Variants in TBRG1 observed in about 807,000 individuals in gnomAD.
TBRG1 encodes the protein nuclear interactor of ARF and MDM2.
In TBRG1, 31 loss-of-function variants were observed where a neutral mutation model predicts 44.0. The observed-to-expected ratio is 0.70, with a 90% CI of 0.53 to 0.95. TBRG1 has a LOEUF of 0.95. Ranked by LOEUF, TBRG1 falls within the 40% of genes least tolerant of loss-of-function variation. TBRG1 has a pLI of 0.00. For missense variants in TBRG1, 487 were observed against 496.1 expected (o/e 0.98, Z 0.18); for synonymous variants, 171 against 188.1 (o/e 0.91, Z 0.74).
chr11:124,628,064 T>TA (rs1942510945), intron 5 of TBRG1, among the ~76,000 whole-genome samples: 2 of 76,926 alleles, frequency 2.6e-5, no homozygotes, highest in South Asian at 5.6e-4. Flanking sequence ...AAGTAGCTGT[T>TA]TTATATATAT....
intron 5 of TBRG1, 48 bp from the exon 6 acceptor site, chr11:124,630,340 C>T: frequency 1.6e-6 from 2 of 1,226,960 alleles, no homozygotes; most frequent in South Asian, 2.4e-5. Context: ...ATGCCCCTCT[C>T]TCCTTCCTTC....
Position 124,631,315 on chromosome 11 carries a change from G to A in TBRG1, c.988G>A (p.Gly330Arg), listed in dbSNP as rs1279979646. 1 of 1,611,292 alleles carries A rather than the reference G, an allele frequency of 6.2e-7. No individual in the cohort carries two copies. Among genetic ancestry groups the A allele is most frequent in the South Asian group, 1.1e-5 (1 of 90,632 alleles). Reference sequence around the variant, plus strand: ...ATTTGATGTGTGCAAACCTGGAGATGGGCAGCTACCTGAGGGGCTGCCGGA... The same window carrying A: ...ATTTGATGTGTGCAAACCTGGAGATAGGCAGCTACCTGAGGGGCTGCCGGA... ...VKFDVCKPGD[G>R]QLPEGLPEND... The change falls in exon 8 of 9, where the codon GGG becomes AGG. Residue 330 changes from glycine (G) to arginine (R), a missense_variant. Coordinates refer to ENST00000441174, the MANE Select transcript of TBRG1 (RefSeq NM_032811.3).
intron 4 of TBRG1, 86 bp downstream of exon 4, chr11:124,626,695 G>T (rs1354517514): frequency 1.1e-5 from 16 of 1,496,728 alleles, no homozygotes; most frequent in Non-Finnish European, 1.5e-5. Flanking sequence ...CCCATTAGCA[G>T]CAGCCTCTTG....
In TBRG1 at chr11:124,631,421, TCTTTAA is replaced by T. The variant is rs758862895; in HGVS notation, c.1090+10_1090+15del. 7.6e-5 allele frequency: 123 copies of T among 1,613,884 alleles called. No individual in the cohort carries two copies. The highest frequency in any genetic ancestry group is 2.0e-4 in the Admixed American group (12 of 60,030). On this transcript the variant is annotated splice_donor_5th_base_variant and intron_variant, in intron 8 of 8. Transcript: ENST00000441174. ...CAGAATGATCCCCTTCTGCCAGGTA[TCTTTAA>T]CTTTACCTTTCTGGTTTGAAAATTG...
chr11:124,631,604 G>T lies in TBRG1; in HGVS notation c.1090+187G>T, dbSNP rs1942612128. 3 of 649,982 alleles carry T rather than the reference G, an allele frequency of 4.6e-6. No individual in the cohort carries two copies. In the South Asian group the frequency reaches 5.5e-5, roughly 12 times the overall value. 40.3% of individuals were successfully genotyped at this position (649,982 alleles called of 1,614,324 possible). A position where few individuals can be genotyped will look rare whatever the true frequency, so the allele number is the denominator to read the frequency against. ...TGCATAGCTTCCTAGATTACTCACAGATGTCATGGGGAGCACCTGCGATCA... is the reference window on the plus strand; with the variant it reads ...TGCATAGCTTCCTAGATTACTCACATATGTCATGGGGAGCACCTGCGATCA... On this transcript the variant is annotated intron_variant, in intron 8 of 8. Transcript: ENST00000441174.
chr11:124,628,761 C>G (rs1942543902), intron 5 of TBRG1, among the ~76,000 whole-genome samples: 1 of 152,090 alleles, frequency 6.6e-6, no homozygotes, highest in Non-Finnish European at 1.5e-5. Flanking sequence ...GCAGTATCAA[C>G]AATTTTAGTA....
intron 1 of TBRG1, among the ~76,000 whole-genome samples, chr11:124,624,465 C>T (rs1189588291): frequency 1.3e-5 from 2 of 151,732 alleles, no homozygotes; most frequent in Admixed American, 6.6e-5. Context: ...TTGTTCTGTC[C>T]AGTTTTTCTC....
At chr11:124,631,570 C>G in intron 8 of TBRG1, 153 bp downstream of exon 8, 3 of 789,370 alleles carry the variant, frequency 3.8e-6, no homozygotes, top group Non-Finnish European at 6.3e-6. Flanking sequence ...TAGAGGGGGA[C>G]CTGCGGCCTG....
intron 8 of TBRG1, 93 bp downstream of exon 8, chr11:124,631,510 G>T (rs1005231302): frequency 3.8e-6 from 5 of 1,310,856 alleles, no homozygotes; most frequent in Admixed American, 1.7e-5. Flanking sequence ...AAATATCTAT[G>T]CATTGAGTGA....
Position 124,624,892 on chromosome 11 carries a change from A to T in TBRG1, c.151-39A>T, listed in dbSNP as rs201092566. 6.4e-6 allele frequency: 7 copies of T among 1,093,288 alleles called. No homozygotes were observed. In the Admixed American group the frequency reaches 7.3e-5, roughly 11 times the overall value. 67.7% of individuals were successfully genotyped at this position (1,093,288 alleles called of 1,614,324 possible). A position where few individuals can be genotyped will look rare whatever the true frequency, so the allele number is the denominator to read the frequency against. ...CCCAGCATAATAATGTGATTTTTTT[A>T]TTCATTTTATGTTATTATATTCACA... On this transcript the variant is annotated intron_variant, in intron 1 of 8. Coordinates refer to ENST00000441174, the MANE Select transcript of TBRG1 (RefSeq NM_032811.3).
Position 124,625,761 on chromosome 11 carries a change from G to T in TBRG1, c.312G>T (p.Leu104=). 1 of 1,569,708 alleles carries T rather than the reference G, an allele frequency of 6.4e-7. No individual in the cohort carries two copies. Among genetic ancestry groups the T allele is most frequent in the South Asian group, 1.2e-5 (1 of 85,484 alleles). The change falls in exon 3 of 9, where the codon CTG becomes CTT. Residue 104 remains leucine (L), a synonymous_variant. Coordinates refer to ENST00000441174, the MANE Select transcript of TBRG1 (RefSeq NM_032811.3). ...AAPSHSSSLP[L]TYGVASSVGT... ...CTTCCCACAGTTCCAGTTTGCCCCT[G>T]ACTTATGGTGTGGCCAGCTCTGTGG...
At chr11:124,624,363 C>CAA (rs61352898) in intron 1 of TBRG1, among the ~76,000 whole-genome samples, 15,454 of 83,370 alleles carry the variant, frequency 0.19, 1,324 homozygotes, top group East Asian at 0.31. Context: ...TCATCATTTA[C>CAA]AAAAAAAAAA....
In TBRG1 at chr11:124,633,925, TGTAGAA is replaced by T. The variant is rs1286022278; in HGVS notation, c.*1688_*1693del. 6.6e-6 allele frequency: 1 copy of T among 152,214 alleles called. No individual in the cohort carries two copies. Among genetic ancestry groups the T allele is most frequent in the Non-Finnish European group, 1.5e-5 (1 of 68,038 alleles). The allele number at this position is 152,214 out of a possible 1,614,324, so 9.4% of individuals were successfully genotyped here. A position where few individuals can be genotyped will look rare whatever the true frequency, so the allele number is the denominator to read the frequency against. ...TTTAAAATTTTTGGAACATACCACA[TGTAGAA>T]AGGTTGAACTGGTTTTTCAGCTATA... On this transcript the variant is annotated 3_prime_UTR_variant, in exon 9 of 9. Coordinates refer to ENST00000441174, the MANE Select transcript of TBRG1 (RefSeq NM_032811.3).
chr11:124,623,391 G>T lies in TBRG1; in HGVS notation c.150+158G>T, dbSNP rs773471145. 4.9e-6 allele frequency: 4 copies of T among 821,342 alleles called. No homozygotes were observed. In the African/African-American group the frequency reaches 6.7e-5, roughly 14 times the overall value. The allele number at this position is 821,342 out of a possible 1,614,324, so 50.9% of individuals were successfully genotyped here. Reference sequence around the variant, plus strand: ...AGCCTTGTGTCCTTGGACAAATTACGTAATTTCTCTGTGTCCTCATCTGTA... The same window carrying T: ...AGCCTTGTGTCCTTGGACAAATTACTTAATTTCTCTGTGTCCTCATCTGTA... On this transcript the variant is annotated intron_variant, in intron 1 of 8. Transcript: ENST00000441174.
At chr11:124,630,333 C>A in intron 5 of TBRG1, 55 bp from the exon 6 acceptor site, 1 of 1,096,700 alleles carries the variant, frequency 9.1e-7, no homozygotes, top group Non-Finnish European at 1.4e-6. Flanking sequence ...GAGTAGTATG[C>A]CCCTCTCTCC....
intron 5 of TBRG1, chr11:124,629,970 G>C (rs7112299): frequency 6.4e-6 from 1 of 156,580 alleles, no homozygotes; most frequent in Non-Finnish European, 1.4e-5. Context: ...ATATTTTAAC[G>C]TTCAAAATGA....
chr11:124,628,265 A>G (rs980797393), intron 5 of TBRG1, among the ~76,000 whole-genome samples: 1 of 150,238 alleles, frequency 6.7e-6, no homozygotes, highest in Non-Finnish European at 1.5e-5. Flanking sequence ...ATTTTATTCT[A>G]TAAATATGTT....
In TBRG1 at chr11:124,626,492, G is replaced by A; in HGVS notation, c.474G>A (p.Lys158=). The A allele has an allele frequency of 6.5e-7, 1 of 1,546,214 alleles. No individual in the cohort carries two copies. The highest frequency in any genetic ancestry group is 1.2e-5 in the South Asian group (1 of 83,122). The part of the protein sequence containing the change: ...NKLEVLKKTC[K]KKKMAGGARK... ...TTTCAGTTCTGAAGAAAACATGCAA[G>A]AAAAAGAAAATGGCGGGAGGTGCTC... The change falls in exon 4 of 9, where the codon AAG becomes AAA. Residue 158 remains lysine, a synonymous_variant. Coordinates refer to ENST00000441174, the MANE Select transcript of TBRG1 (RefSeq NM_032811.3).
rs949414829 is a variant in TBRG1, at chr11:124,625,012, T to A, written c.221+11T>A. 7 of 1,536,612 alleles carry A rather than the reference T, an allele frequency of 4.6e-6. No individual in the cohort carries two copies. Among genetic ancestry groups the A allele is most frequent in the Non-Finnish European group, 6.2e-6 (7 of 1,135,070 alleles). On this transcript the variant is annotated intron_variant, in intron 2 of 8. Transcript: ENST00000441174. ...AAAAGAAGAAAGAAGGTGAGCTGGCTTCATTTTGTGTTCAGCATCACCTTT... is the reference window on the plus strand; with the variant it reads ...AAAAGAAGAAAGAAGGTGAGCTGGCATCATTTTGTGTTCAGCATCACCTTT...
Sources: gnomAD v4.1 joint callset for allele counts (sites outside exome capture counted in the v4.1 genomes callset) on GRCh38, gnomAD v4.1.1 for gene constraint, MANE v1.5 for transcripts, NCBI Gene and HGNC (gene_info 2026-07-23, HGNC 2026-07-21) for gene names.